The following RANBP2 variants were observed in gnomAD, a reference collection of about 807,000 sequenced individuals.
The protein encoded by RANBP2 is RAN binding protein 2, also known as E3 SUMO-protein ligase RanBP2.
RANBP2 carries 57 observed loss-of-function variants against 303.6 expected under a neutral mutation model. The ratio of observed to expected loss-of-function variants is 0.19; its 90% CI spans 0.15 to 0.23. The LOEUF (loss-of-function observed/expected upper bound fraction) is 0.23. Among genes scored for constraint, RANBP2 ranks in the 10% least tolerant of loss-of-function variants. RANBP2 has a pLI of 1.00. For synonymous variants in RANBP2, 1,167 were observed against 1,301.5 expected (o/e 0.90, Z 2.23); for missense variants, 3,138 against 3,780.8 (o/e 0.83, Z 4.46).
chr2:109,201,130 G>C, the RANBP2 span, among the ~76,000 whole-genome samples: 24 of 152,336 alleles, frequency 1.6e-4, no homozygotes, highest in African/African-American at 5.5e-4. Context: ...TTTTATATCA[G>C]GTACGGCTCT....
chr2:109,304,794 C>G, the RANBP2 span, among the ~76,000 whole-genome samples: 1 of 152,124 alleles, frequency 6.6e-6, no homozygotes, highest in Admixed American at 6.5e-5. Context: ...TCAGCCCTGC[C>G]CGGGACAGCT....
At chr2:108,924,368 A>G in the RANBP2 span, among the ~76,000 whole-genome samples, 1 of 152,156 alleles carries the variant, frequency 6.6e-6, no homozygotes, top group South Asian at 2.1e-4. Flanking sequence ...TTCCCTCTGC[A>G]GGCTCTAGCT....
At chr2:109,511,015 T>G in the RANBP2 span, among the ~76,000 whole-genome samples, 1 of 152,214 alleles carries the variant, frequency 6.6e-6, no homozygotes, top group African/African-American at 2.4e-5. Flanking sequence ...GTTTTTGTCC[T>G]CACATCAGGC....
chr2:109,565,765 T>C, the RANBP2 span: 3 of 1,613,136 alleles, frequency 1.9e-6, no homozygotes, highest in African/African-American at 1.3e-5. Context: ...TCATTTACCT[T>C]GTACAACACC....
the RANBP2 span, among the ~76,000 whole-genome samples, chr2:109,164,696 A>G: frequency 3.3e-5 from 5 of 151,978 alleles, no homozygotes; most frequent in African/African-American, 1.2e-4. Context: ...AGGTGTAAAT[A>G]CTCCCATCAT....
chr2:108,773,813 AT>A (rs1326728641), intron 23 of RANBP2, among the ~76,000 whole-genome samples: 1 of 152,040 alleles, frequency 6.6e-6, no homozygotes, highest in Admixed American at 6.6e-5. Flanking sequence ...CGCCCAGCTA[AT>A]TTTTGTATTT....
chr2:109,101,314 A>C, the RANBP2 span, among the ~76,000 whole-genome samples: 1 of 152,092 alleles, frequency 6.6e-6, no homozygotes, highest in Non-Finnish European at 1.5e-5. Context: ...ATCACGAGGT[A>C]AGGAGATCAA....
chr2:109,428,944 G>T, the RANBP2 span, among the ~76,000 whole-genome samples: 1 of 152,184 alleles, frequency 6.6e-6, no homozygotes, highest in Non-Finnish European at 1.5e-5. Context: ...ATGTGTCTAC[G>T]AAGACTGGCT....
the RANBP2 span, among the ~76,000 whole-genome samples, chr2:109,467,509 G>A: frequency 1.3e-5 from 2 of 152,206 alleles, no homozygotes; most frequent in Non-Finnish European, 2.9e-5. Flanking sequence ...GGACTGGGGG[G>A]CTTGGGCCCA....
the RANBP2 span, among the ~76,000 whole-genome samples, chr2:109,468,780 G>C: frequency 6.6e-6 from 1 of 150,804 alleles, no homozygotes; most frequent in Admixed American, 6.6e-5. Flanking sequence ...CTTGAGCCTG[G>C]GAGGTGGAGT....
the RANBP2 span, among the ~76,000 whole-genome samples, chr2:109,383,427 A>G: frequency 6.6e-6 from 1 of 152,162 alleles, no homozygotes; most frequent in African/African-American, 2.4e-5. Context: ...AGACTTGGCA[A>G]TGGATTATGA....
At chr2:109,343,369 T>C in the RANBP2 span, among the ~76,000 whole-genome samples, 1 of 152,222 alleles carries the variant, frequency 6.6e-6, no homozygotes, top group Non-Finnish European at 1.5e-5. Flanking sequence ...TTGACTCTTT[T>C]TTTTTTCTTT....
the RANBP2 span, among the ~76,000 whole-genome samples, chr2:109,154,297 G>A: frequency 6.6e-6 from 1 of 152,172 alleles, no homozygotes; most frequent in Admixed American, 6.5e-5. Context: ...AAGGAAGGGA[G>A]CCCCTGTTTC....
chr2:108,963,761 C>T, the RANBP2 span, among the ~76,000 whole-genome samples: 1 of 152,228 alleles, frequency 6.6e-6, no homozygotes, highest in Non-Finnish European at 1.5e-5. Flanking sequence ...ACTGCCTGGC[C>T]TGGGGCCTGC....
At chr2:108,813,594 T>C in the RANBP2 span, among the ~76,000 whole-genome samples, 1 of 152,214 alleles carries the variant, frequency 6.6e-6, no homozygotes, top group Admixed American at 6.5e-5. Flanking sequence ...TTTCCATATG[T>C]CTTTTTTTCC....
chr2:109,304,920 G>A, the RANBP2 span, among the ~76,000 whole-genome samples: 14 of 152,292 alleles, frequency 9.2e-5, no homozygotes, highest in East Asian at 2.3e-3. Context: ...AGTGAAAACT[G>A]CTCGGTTGGG....
At chr2:108,786,155 G>T (rs749561468), downstream of RANBP2, among the ~76,000 whole-genome samples, 89 of 151,250 alleles carry the variant, frequency 5.9e-4, no homozygotes, top group Non-Finnish European at 6.0e-4. Flanking sequence ...TTTTTCCAGG[G>T]TGCTTACATT....
chr2:109,102,208 C>T, the RANBP2 span, among the ~76,000 whole-genome samples: 2 of 152,074 alleles, frequency 1.3e-5, no homozygotes, highest in Non-Finnish European at 2.9e-5. Flanking sequence ...TCACGCCATT[C>T]TCCTGCCTCA....
the RANBP2 span, among the ~76,000 whole-genome samples, chr2:109,183,005 C>T: frequency 6.6e-6 from 1 of 152,234 alleles, no homozygotes; most frequent in Non-Finnish European, 1.5e-5. Flanking sequence ...CAGAGCTCAT[C>T]ATCCTTCCAC....
Sources: allele counts gnomAD v4.1 joint callset (sites outside exome capture counted in the v4.1 genomes callset), GRCh38; gene constraint gnomAD v4.1.1; transcripts MANE v1.5; gene names NCBI Gene and HGNC (gene_info 2026-07-23, HGNC 2026-07-21).